Variants in LSAMP observed in about 807,000 individuals in gnomAD.
LSAMP encodes limbic system associated membrane protein, also known as limbic system-associated membrane protein.
In LSAMP, 7 loss-of-function variants were observed where a neutral mutation model predicts 38.6. The ratio of observed to expected loss-of-function variants is 0.18; its 90% CI spans 0.10 to 0.34. The LOEUF (loss-of-function observed/expected upper bound fraction) is 0.34. Ranked by LOEUF, LSAMP falls within the 10% of genes least tolerant of loss-of-function variation. LSAMP has a pLI of 1.00. For missense variants in LSAMP, 313 were observed against 420.0 expected (o/e 0.75, Z 2.23); for synonymous variants, 154 against 166.8 (o/e 0.92, Z 0.59).
intron 1 of LSAMP, among the ~76,000 whole-genome samples, chr3:116,285,438 C>A (rs1261366307): frequency 1.1e-4 from 16 of 152,072 alleles, no homozygotes; most frequent in Admixed American, 1.0e-3. Context: ...TCGTAAATGT[C>A]ATTTCTTCTC....
chr3:115,899,007 A>G (rs1016676652), intron 3 of LSAMP, among the ~76,000 whole-genome samples: 1 of 152,164 alleles, frequency 6.6e-6, no homozygotes, highest in Non-Finnish European at 1.5e-5. Context: ...ATGGCACCAC[A>G]GTATAAATAT....
intron 3 of LSAMP, among the ~76,000 whole-genome samples, chr3:115,914,537 C>T (rs992650898): frequency 2.6e-5 from 4 of 152,162 alleles, no homozygotes; most frequent in African/African-American, 4.8e-5. Context: ...GAGTTGAGCC[C>T]AATCTCTCTT....
intron 1 of LSAMP, among the ~76,000 whole-genome samples, chr3:116,212,073 A>T (rs2046164580): frequency 6.6e-6 from 1 of 152,208 alleles, no homozygotes; most frequent in African/African-American, 2.4e-5. Context: ...GCTTTTACCC[A>T]ATCCAGTGAC....
chr3:116,041,494 C>T (rs936090576), intron 2 of LSAMP, among the ~76,000 whole-genome samples: 4 of 151,662 alleles, frequency 2.6e-5, no homozygotes, highest in African/African-American at 9.7e-5. Flanking sequence ...AGTCCTTTTG[C>T]AAGTAAATGA....
chr3:116,213,285 G>A (rs1230545328), intron 1 of LSAMP, among the ~76,000 whole-genome samples: 3 of 152,208 alleles, frequency 2.0e-5, no homozygotes, highest in African/African-American at 7.2e-5. Flanking sequence ...TGAATCATGG[G>A]AGCAGCTCTT....
intron 1 of LSAMP, among the ~76,000 whole-genome samples, chr3:116,124,647 T>G (rs1261910771): frequency 3.3e-5 from 5 of 152,000 alleles, no homozygotes; most frequent in Non-Finnish European, 2.9e-5. Flanking sequence ...AAACACAAAA[T>G]GAAAATGCAA....
At chr3:116,313,840 G>A (rs551571199) in intron 1 of LSAMP, among the ~76,000 whole-genome samples, 1 of 152,242 alleles carries the variant, frequency 6.6e-6, no homozygotes, top group East Asian at 1.9e-4. Context: ...TGTAATCCCA[G>A]CTACCTGGGA....
intron 3 of LSAMP, among the ~76,000 whole-genome samples, chr3:115,860,399 C>T (rs533281759): frequency 7.4e-4 from 112 of 152,310 alleles, no homozygotes; most frequent in African/African-American, 2.6e-3. Context: ...CTGAAGGATG[C>T]TACAGTTGGC....
At chr3:116,034,548 C>T (rs1941006179) in intron 2 of LSAMP, among the ~76,000 whole-genome samples, 1 of 152,106 alleles carries the variant, frequency 6.6e-6, no homozygotes, top group Non-Finnish European at 1.5e-5. Flanking sequence ...TTTGATATGG[C>T]TTTTCATTAG....
At chr3:115,895,954 A>G (rs946968545) in intron 3 of LSAMP, among the ~76,000 whole-genome samples, 10 of 152,098 alleles carry the variant, frequency 6.6e-5, no homozygotes, top group Non-Finnish European at 8.8e-5. Flanking sequence ...AGCCAAGTTT[A>G]TTATTATGAA....
intron 2 of LSAMP, among the ~76,000 whole-genome samples, chr3:116,020,103 T>C (rs964680620): frequency 4.6e-5 from 7 of 152,218 alleles, no homozygotes; most frequent in Non-Finnish European, 7.3e-5. Context: ...ATTATTAAGA[T>C]GTGGCAATAC....
chr3:116,036,609 A>T (rs888312951), intron 2 of LSAMP, among the ~76,000 whole-genome samples: 1 of 152,208 alleles, frequency 6.6e-6, no homozygotes, highest in African/African-American at 2.4e-5. Flanking sequence ...CCCCTAACCT[A>T]TAAGTCACTG....
At chr3:115,973,435 A>G in intron 3 of LSAMP, among the ~76,000 whole-genome samples, 1 of 152,210 alleles carries the variant, frequency 6.6e-6, no homozygotes, top group African/African-American at 2.4e-5. Context: ...GTCTAGGCAT[A>G]AAATTAATTT....
At chr3:115,991,026 A>C (rs1939651531) in intron 3 of LSAMP, among the ~76,000 whole-genome samples, 1 of 152,072 alleles carries the variant, frequency 6.6e-6, no homozygotes, top group South Asian at 2.1e-4. Context: ...TTATCTAAAA[A>C]CATTAATAAA....
intron 3 of LSAMP, among the ~76,000 whole-genome samples, chr3:115,878,433 T>C (rs898995094): frequency 2.0e-5 from 3 of 149,960 alleles, no homozygotes; most frequent in Middle Eastern, 3.4e-3. Context: ...ATTTACTTGA[T>C]ACTTTGAGAA....
intron 1 of LSAMP, among the ~76,000 whole-genome samples, chr3:116,289,940 G>C (rs1035693399): frequency 1.3e-5 from 2 of 152,172 alleles, no homozygotes; most frequent in African/African-American, 4.8e-5. Flanking sequence ...GTATGAACTA[G>C]TTACTTGCCT....
chr3:116,040,067 G>A (rs1460287392), intron 2 of LSAMP, among the ~76,000 whole-genome samples: 2 of 152,090 alleles, frequency 1.3e-5, no homozygotes, highest in African/African-American at 4.8e-5. Context: ...TGGAAAGCTC[G>A]CTGAAGCACA....
chr3:116,289,080 T>G (rs79607753), intron 1 of LSAMP, among the ~76,000 whole-genome samples: 7,843 of 152,246 alleles, frequency 0.052, 329 homozygotes, highest in African/African-American at 0.12. Flanking sequence ...TGTTTATTTA[T>G]CATGTTTTAT....
chr3:116,089,309 T>C (rs865949628), intron 1 of LSAMP, among the ~76,000 whole-genome samples: 8 of 152,224 alleles, frequency 5.3e-5, no homozygotes, highest in Non-Finnish European at 1.5e-5. Context: ...AATTCGTCTT[T>C]TACTGACAAA....
Sources: allele counts gnomAD v4.1 joint callset (sites outside exome capture counted in the v4.1 genomes callset), GRCh38; gene constraint gnomAD v4.1.1; transcripts MANE v1.5; gene names NCBI Gene and HGNC (gene_info 2026-07-23, HGNC 2026-07-21).